The following TMOD1 variants were observed in gnomAD, a reference collection of about 807,000 sequenced individuals.
TMOD1 encodes tropomodulin-1.
A neutral mutation model predicts 40.6 loss-of-function variants in TMOD1; 17 were observed. That is an observed-to-expected ratio of 0.42 (90% CI 0.29 to 0.63). The LOEUF (loss-of-function observed/expected upper bound fraction) is 0.63, where lower values mean the gene tolerates loss of function less well. TMOD1 is among the 20% of genes least tolerant of loss of function. TMOD1 has a pLI of 0.22. For synonymous variants in TMOD1, 181 were observed against 175.0 expected, an observed-to-expected ratio of 1.03 and a Z score of -0.27; for missense variants, 391 against 447.6, an observed-to-expected ratio of 0.87 and a Z score of 1.14.
At chr9:97,523,947 C>T (rs981589945) in intron 1 of TMOD1, among the ~76,000 whole-genome samples, 194 bp from the exon 2 acceptor site, 1 of 152,268 alleles carries the variant, frequency 6.6e-6, no homozygotes, top group African/African-American at 2.4e-5. Flanking sequence ...CATTAACTTA[C>T]ATGCTCTCAG....
Position 97,600,044 on chromosome 9 carries a change from A to G in TMOD1, c.*346A>G. The G allele has an allele frequency of 9.3e-7, 1 of 1,076,902 alleles. No homozygotes were observed. The highest frequency in any genetic ancestry group is 1.1e-6 in the Non-Finnish European group (1 of 883,492). The allele number at this position is 1,076,902 out of a possible 1,614,324, so 66.7% of individuals were successfully genotyped here. A position where few individuals can be genotyped will look rare whatever the true frequency, so the allele number is the denominator to read the frequency against. On this transcript the variant is annotated 3_prime_UTR_variant, in exon 10 of 10. Coordinates refer to ENST00000259365, the MANE Select transcript of TMOD1 (RefSeq NM_003275.4). ...GCTGTGTGGTGTTTCAAGTGCATTTAAAATGTGTGACACAGAAACGGCACA... is the reference window on the plus strand; with the variant it reads ...GCTGTGTGGTGTTTCAAGTGCATTTGAAATGTGTGACACAGAAACGGCACA...
intron 8 of TMOD1, among the ~76,000 whole-genome samples, chr9:97,576,427 C>T (rs1291940885): frequency 6.6e-6 from 1 of 151,874 alleles, no homozygotes; most frequent in Non-Finnish European, 1.5e-5. Flanking sequence ...GCACTCTAGC[C>T]TGGGCAACAG....
chr9:97,541,902 T>C (rs1354730998), intron 2 of TMOD1, among the ~76,000 whole-genome samples: 2 of 151,460 alleles, frequency 1.3e-5, no homozygotes, highest in Non-Finnish European at 2.9e-5. Context: ...ATGAGATACA[T>C]GATTTACAAA....
chr9:97,566,526 C>T (rs4743115), intron 7 of TMOD1, among the ~76,000 whole-genome samples: 1 of 151,790 alleles, frequency 6.6e-6, no homozygotes, highest in Non-Finnish European at 1.5e-5. Context: ...TAAAAATTAC[C>T]TGGGCTTGGT....
chr9:97,595,289 C>T (rs1238149931), intron 9 of TMOD1, among the ~76,000 whole-genome samples: 1 of 152,110 alleles, frequency 6.6e-6, no homozygotes, highest in African/African-American at 2.4e-5. Flanking sequence ...GCTATATTCA[C>T]CATGCTGTGT....
At position 97,601,010 on chromosome 9, in the gene TMOD1, C is replaced by T; in HGVS notation, c.*1312C>T. On this transcript the variant is annotated 3_prime_UTR_variant, in exon 10 of 10. Transcript: ENST00000259365. ...AACTCCAGAGCACTGAGCAGAGAGG[C>T]TGGTGATGAAAAGGTGAAGGCCTGC... 1 of 1,288,438 alleles carries T rather than the reference C, an allele frequency of 7.8e-7. No homozygotes were observed. Among genetic ancestry groups the T allele is most frequent in the South Asian group, 1.3e-5 (1 of 79,012 alleles). The allele number at this position is 1,288,438 out of a possible 1,614,324, so 79.8% of individuals were successfully genotyped here. A position where few individuals can be genotyped will look rare whatever the true frequency, so the allele number is the denominator to read the frequency against.
In TMOD1 at chr9:97,601,586, G is replaced by T. The variant is rs1372702871; in HGVS notation, c.*1888G>T. The T allele has an allele frequency of 6.4e-5, 63 of 987,160 alleles. No homozygotes were observed. The highest frequency in any genetic ancestry group is 7.5e-5 in the Non-Finnish European group (62 of 831,272). 61.2% of individuals were successfully genotyped at this position (987,160 alleles called of 1,614,324 possible). On this transcript the variant is annotated 3_prime_UTR_variant, in exon 10 of 10. Coordinates refer to ENST00000259365, the MANE Select transcript of TMOD1 (RefSeq NM_003275.4). Reference sequence around the variant, plus strand: ...CTCTATCAGATGAGCTGCTGGTCTAGATCAGGGGCTGGCAAACTTTTCTGT... The same window carrying T: ...CTCTATCAGATGAGCTGCTGGTCTATATCAGGGGCTGGCAAACTTTTCTGT...
intron 3 of TMOD1, among the ~76,000 whole-genome samples, chr9:97,551,621 A>G (rs4743107): frequency 0.25 from 37,284 of 152,130 alleles, 4,882 homozygotes; most frequent in South Asian, 0.32. Context: ...TGAAATCAAT[A>G]AGTATGAGTG....
intron 2 of TMOD1, among the ~76,000 whole-genome samples, chr9:97,531,743 C>T (rs761272245): frequency 2.0e-5 from 3 of 152,158 alleles, no homozygotes; most frequent in Non-Finnish European, 2.9e-5. Flanking sequence ...TCTACATACG[C>T]GGTACCGGTA....
rs1564000878 is a variant in TMOD1, at chr9:97,591,288, A to G, written c.871-3A>G. ...TTTATTTTTTATTTTTTCTTGACTAAAGAGCCAGCCCCTGGGCAACAAAGT... is the reference window on the plus strand; with the variant it reads ...TTTATTTTTTATTTTTTCTTGACTAGAGAGCCAGCCCCTGGGCAACAAAGT... On this transcript the variant is annotated splice_polypyrimidine_tract_variant and splice_region_variant and intron_variant, in intron 8 of 9. Transcript: ENST00000259365. 3 of 1,612,406 alleles carry G rather than the reference A, an allele frequency of 1.9e-6. No individual in the cohort carries two copies. Among genetic ancestry groups the G allele is most frequent in the Non-Finnish European group, 2.5e-6 (3 of 1,179,454 alleles).
At chr9:97,550,681 T>C (rs1830437595) in intron 3 of TMOD1, among the ~76,000 whole-genome samples, 1 of 152,170 alleles carries the variant, frequency 6.6e-6, no homozygotes, top group Admixed American at 6.5e-5. Flanking sequence ...TTTGGAGAAA[T>C]GTTTATTCAA....
chr9:97,585,833 C>T (rs1341128648), intron 8 of TMOD1, among the ~76,000 whole-genome samples: 3 of 137,830 alleles, frequency 2.2e-5, no homozygotes, highest in Non-Finnish European at 3.1e-5. Flanking sequence ...ACGTAGTTCT[C>T]GAGCCTTGGT....
chr9:97,589,351 G>T (rs1825951228), intron 8 of TMOD1, among the ~76,000 whole-genome samples: 1 of 139,634 alleles, frequency 7.2e-6, no homozygotes, highest in Non-Finnish European at 1.5e-5. Flanking sequence ...CGCGATCTCT[G>T]CTCACTGCAA....
chr9:97,508,100 CACA>C (rs1300899749), intron 1 of TMOD1, among the ~76,000 whole-genome samples: 2 of 149,266 alleles, frequency 1.3e-5, no homozygotes, highest in African/African-American at 5.0e-5. Flanking sequence ...CACACACACA[CACA>C]CAGACTCTGG....
intron 1 of TMOD1, among the ~76,000 whole-genome samples, chr9:97,511,280 T>C (rs1278497621): frequency 6.6e-6 from 1 of 152,080 alleles, no homozygotes; most frequent in South Asian, 2.1e-4. Flanking sequence ...ACTAAGAGAA[T>C]GAAATCAGCC....
intron 2 of TMOD1, among the ~76,000 whole-genome samples, chr9:97,525,792 A>C (rs1830005858): frequency 6.6e-6 from 1 of 152,250 alleles, no homozygotes; most frequent in Non-Finnish European, 1.5e-5. Flanking sequence ...ATTCAGAGTC[A>C]TGAGGAGCCC....
At chr9:97,589,175 T>C (rs1825945520) in intron 8 of TMOD1, among the ~76,000 whole-genome samples, 1 of 150,824 alleles carries the variant, frequency 6.6e-6, no homozygotes, top group South Asian at 2.1e-4. Context: ...ATAAATTTAA[T>C]TATTCTCTCA....
chr9:97,564,331 G>A (rs1209958882), intron 6 of TMOD1, among the ~76,000 whole-genome samples, 163 bp downstream of exon 6: 1 of 152,170 alleles, frequency 6.6e-6, no homozygotes, highest in Non-Finnish European at 1.5e-5. Context: ...TTGCAAATGG[G>A]AGCCTTTAAG....
intron 9 of TMOD1, among the ~76,000 whole-genome samples, chr9:97,593,179 C>T (rs1826036176): frequency 6.6e-6 from 1 of 152,162 alleles, no homozygotes; most frequent in South Asian, 2.1e-4. Flanking sequence ...TTTTGTCCTC[C>T]AATGGCATGA....
Sources: allele counts gnomAD v4.1 joint callset (sites outside exome capture counted in the v4.1 genomes callset), GRCh38; gene constraint gnomAD v4.1.1; transcripts MANE v1.5; gene names NCBI Gene and HGNC (gene_info 2026-07-23, HGNC 2026-07-21).